The following NRXN1 variants were observed in gnomAD, a reference collection of about 807,000 sequenced individuals.
NRXN1 encodes the protein neurexin 1.
NRXN1 carries 39 observed loss-of-function variants against 150.9 expected under a neutral mutation model. The ratio of observed to expected loss-of-function variants is 0.26; its 90% CI spans 0.20 to 0.34. The LOEUF (loss-of-function observed/expected upper bound fraction) is 0.34, where lower values mean the gene tolerates loss of function less well. Ranked by LOEUF, NRXN1 falls within the 10% of genes least tolerant of loss-of-function variation. The pLI, the probability that NRXN1 is intolerant of heterozygous loss-of-function variation, is 1.00. For missense variants in NRXN1, 1,815 were observed against 1,949.9 expected, an observed-to-expected ratio of 0.93 and a Z score of 1.30; for synonymous variants, 924 against 757.0, an observed-to-expected ratio of 1.22 and a Z score of -3.62.
At position 50,253,919 on chromosome 2, in the gene NRXN1, C is replaced by T. The variant is rs1160432212; in HGVS notation, c.3365-16949G>A. 4.0e-5 allele frequency among the ~76,000 whole-genome samples: 6 copies of T among 150,426 alleles called. No individual in the cohort carries two copies. In the South Asian group the frequency reaches 6.2e-4, roughly 16 times the overall value. ...GGTAGGTTTTGATGTCAGGATAATGCTGGCCCCATAAAATGAGTTAGGGAG... is the reference window on the plus strand; with the variant it reads ...GGTAGGTTTTGATGTCAGGATAATGTTGGCCCCATAAAATGAGTTAGGGAG... On this transcript the variant is annotated intron_variant, in intron 17 of 22. Transcript: ENST00000401669.
chr2:50,261,496 C>T (rs2068276168), intron 17 of NRXN1, among the ~76,000 whole-genome samples: 1 of 151,682 alleles, frequency 6.6e-6, no homozygotes, highest in African/African-American at 2.4e-5. Flanking sequence ...TTGGCCAAAA[C>T]AGAGGAAATG....
chr2:50,260,522 G>A (rs1294645775), intron 17 of NRXN1, among the ~76,000 whole-genome samples: 1 of 151,248 alleles, frequency 6.6e-6, no homozygotes, highest in Non-Finnish European at 1.5e-5. Flanking sequence ...TCCTCAGAGG[G>A]AGAAAATGCA....
At chr2:50,677,673 C>A (rs1689751323) in intron 5 of NRXN1, among the ~76,000 whole-genome samples, 1 of 151,958 alleles carries the variant, frequency 6.6e-6, no homozygotes, top group African/African-American at 2.4e-5. Context: ...ATATAAAAGA[C>A]AATTGTTTTG....
At chr2:50,107,012 T>A (rs1048243985) in intron 18 of NRXN1, among the ~76,000 whole-genome samples, 1 of 151,930 alleles carries the variant, frequency 6.6e-6, no homozygotes, top group Non-Finnish European at 1.5e-5. Context: ...ATACAGTATC[T>A]GAGCATTGAT....
intron 2 of NRXN1, among the ~76,000 whole-genome samples, chr2:50,963,488 T>A (rs1335221162): frequency 6.6e-6 from 1 of 151,712 alleles, no homozygotes; most frequent in Non-Finnish European, 1.5e-5. Flanking sequence ...CCTTACTATC[T>A]TTCCTCCAAA....
At chr2:50,990,965 G>C (rs115260644) in intron 2 of NRXN1, among the ~76,000 whole-genome samples, 3 of 151,934 alleles carry the variant, frequency 2.0e-5, no homozygotes, top group Non-Finnish European at 2.9e-5. Context: ...CTATGTTCTG[G>C]ATCTGACATT....
chr2:50,116,300 T>G (rs1310505369), intron 18 of NRXN1, among the ~76,000 whole-genome samples: 5 of 152,072 alleles, frequency 3.3e-5, no homozygotes, highest in Non-Finnish European at 7.4e-5. Flanking sequence ...GTTAAAGTTA[T>G]TATCTGAACC....
rs199595253 is a variant in NRXN1, at chr2:51,027,950, C to T, written c.324G>A (p.Pro108=). ...CGCTGTGCCAGGCGCCGTCGTTAAC[C>T]GGCGTGTCGGCCAGGAGCGTCGCAG... ...AEPATLLADT[P]VNDGAWHSVR... The change falls in exon 2 of 23, where the codon CCG becomes CCA. Residue 108 remains proline, a synonymous_variant. Coordinates refer to ENST00000401669, the MANE Select transcript of NRXN1 (RefSeq NM_001330078.2). The T allele has an allele frequency of 1.1e-4, 184 of 1,603,084 alleles. No homozygotes were observed. Among genetic ancestry groups the T allele is most frequent in the Non-Finnish European group, 1.5e-4 (177 of 1,179,562 alleles).
At chr2:50,058,078 A>T (rs1040412994) in intron 19 of NRXN1, among the ~76,000 whole-genome samples, 3 of 152,214 alleles carry the variant, frequency 2.0e-5, no homozygotes, top group African/African-American at 7.2e-5. Context: ...ACATTCACAC[A>T]TACATACATA....
intron 5 of NRXN1, among the ~76,000 whole-genome samples, chr2:50,677,429 A>G (rs1024219757): frequency 6.6e-6 from 1 of 152,156 alleles, no homozygotes; most frequent in African/African-American, 2.4e-5. Flanking sequence ...ACACTGTCTA[A>G]GAAACTCTAC....
At chr2:50,787,358 G>A (rs929984070) in intron 5 of NRXN1, among the ~76,000 whole-genome samples, 1 of 151,874 alleles carries the variant, frequency 6.6e-6, no homozygotes, top group African/African-American at 2.4e-5. Flanking sequence ...TCAGGAGTTC[G>A]AGACCAGCCT....
intron 5 of NRXN1, among the ~76,000 whole-genome samples, chr2:50,659,725 C>A (rs774543269): frequency 3.4e-5 from 5 of 149,132 alleles, no homozygotes; most frequent in Non-Finnish European, 7.4e-5. Flanking sequence ...TTTTAGCTTC[C>A]TTTTTCTTTT....
chr2:50,826,931 A>G (rs1194244409), intron 5 of NRXN1, among the ~76,000 whole-genome samples: 1 of 152,258 alleles, frequency 6.6e-6, no homozygotes, highest in Non-Finnish European at 1.5e-5. Context: ...GAAAGATTAC[A>G]GTCTTTCAGA....
At chr2:50,999,381 A>C (rs1553474806) in intron 2 of NRXN1, among the ~76,000 whole-genome samples, 1 of 151,990 alleles carries the variant, frequency 6.6e-6, no homozygotes, top group Non-Finnish European at 1.5e-5. Context: ...TAGAAAGGCA[A>C]ATAATCAGGA....
At chr2:50,134,273 G>GT (rs1706032015) in intron 18 of NRXN1, among the ~76,000 whole-genome samples, 1 of 96,468 alleles carries the variant, frequency 1.0e-5, no homozygotes, top group African/African-American at 3.5e-5. Context: ...AAAGTAACCA[G>GT]AAAAAAAAAA....
chr2:50,660,201 T>G (rs1255542945), intron 5 of NRXN1, among the ~76,000 whole-genome samples: 1 of 152,054 alleles, frequency 6.6e-6, no homozygotes, highest in Non-Finnish European at 1.5e-5. Flanking sequence ...TTGTGGTAAC[T>G]TTCAACATCC....
At chr2:50,033,038 A>T (rs955158986) in intron 21 of NRXN1, among the ~76,000 whole-genome samples, 3 of 151,680 alleles carry the variant, frequency 2.0e-5, no homozygotes, top group Non-Finnish European at 2.9e-5. Context: ...ACACACATAT[A>T]TATATAATCT....
chr2:50,734,895 A>G (rs1289065971), intron 5 of NRXN1, among the ~76,000 whole-genome samples: 2 of 152,168 alleles, frequency 1.3e-5, no homozygotes, highest in Non-Finnish European at 2.9e-5. Context: ...AACATATCCA[A>G]ATGTCAACGA....
chr2:50,624,107 C>T (rs1055339926), intron 5 of NRXN1, among the ~76,000 whole-genome samples: 2 of 151,946 alleles, frequency 1.3e-5, no homozygotes, highest in African/African-American at 2.4e-5. Flanking sequence ...TGTTTATTGC[C>T]GCACTATTCA....
Sources: allele counts gnomAD v4.1 joint callset (sites outside exome capture counted in the v4.1 genomes callset), GRCh38; gene constraint gnomAD v4.1.1; transcripts MANE v1.5; gene names NCBI Gene and HGNC (gene_info 2026-07-23, HGNC 2026-07-21).